The following TMEM108 variants were observed in gnomAD, a reference collection of about 807,000 sequenced individuals.
TMEM108 encodes cancer/testis antigen 124.
In TMEM108, 12 loss-of-function variants were observed where a neutral mutation model predicts 35.1. The observed-to-expected ratio is 0.34, with a 90% CI of 0.22 to 0.55. The LOEUF is 0.55. Ranked by LOEUF, TMEM108 falls within the 20% of genes least tolerant of loss-of-function variation. The pLI, the probability that TMEM108 is intolerant of heterozygous loss-of-function variation, is 0.89. For synonymous variants in TMEM108, 287 were observed against 308.6 expected (o/e 0.93, Z 0.73); for missense variants, 680 against 753.3 (o/e 0.90, Z 1.14).
chr3:133,074,866 A>G (rs1043128657), intron 2 of TMEM108, among the ~76,000 whole-genome samples: 1 of 152,190 alleles, frequency 6.6e-6, no homozygotes, highest in African/African-American at 2.4e-5. Context: ...TTTTCTACTG[A>G]ATGTGTATTA....
At chr3:133,273,489 A>G (rs1327601510) in intron 3 of TMEM108, among the ~76,000 whole-genome samples, 1 of 152,028 alleles carries the variant, frequency 6.6e-6, no homozygotes, top group Non-Finnish European at 1.5e-5. Context: ...TTCTCTCCCC[A>G]CAGTAAGTAC....
chr3:133,128,982 C>G (rs1454261144), intron 2 of TMEM108, among the ~76,000 whole-genome samples: 1 of 152,138 alleles, frequency 6.6e-6, no homozygotes, highest in South Asian at 2.1e-4. Context: ...TTTTTGCCTC[C>G]TTAATATAGC....
intron 2 of TMEM108, among the ~76,000 whole-genome samples, chr3:133,154,956 T>G (rs1322839719): frequency 6.6e-6 from 1 of 152,180 alleles, no homozygotes; most frequent in East Asian, 1.9e-4. Context: ...GGAGGTTCAG[T>G]ATAGACACTA....
At chr3:133,111,980 A>G (rs770260640) in intron 2 of TMEM108, among the ~76,000 whole-genome samples, 2 of 152,210 alleles carry the variant, frequency 1.3e-5, no homozygotes, top group Non-Finnish European at 2.9e-5. Context: ...TTGGAAAACA[A>G]GAACAAACCC....
intron 2 of TMEM108, among the ~76,000 whole-genome samples, chr3:133,048,511 A>T (rs1325821563): frequency 6.6e-6 from 1 of 152,196 alleles, no homozygotes; most frequent in Non-Finnish European, 1.5e-5. Context: ...CTAGACCTGA[A>T]GTGTAACCTG....
chr3:133,237,934 G>T (rs1293853430), intron 3 of TMEM108, among the ~76,000 whole-genome samples: 1 of 152,028 alleles, frequency 6.6e-6, no homozygotes, highest in African/African-American at 2.4e-5. Flanking sequence ...AAAGCTCTTT[G>T]GGGAGTCCTC....
Position 133,122,131 on chromosome 3 carries a change from C to T in TMEM108, c.-47+76111C>T, listed in dbSNP as rs559206845. Reference sequence around the variant, plus strand: ...ACGGTGCTTCTGGGGCTTATGATTTCTAATTTAGCAGCAGGAGTTACTTCT... The same window carrying T: ...ACGGTGCTTCTGGGGCTTATGATTTTTAATTTAGCAGCAGGAGTTACTTCT... On this transcript the variant is annotated intron_variant, in intron 2 of 5. Transcript: ENST00000321871. Among the ~76,000 whole-genome samples the T allele has an allele frequency of 7.9e-5, 12 of 151,950 alleles. No homozygotes were observed. In the South Asian group the frequency reaches 2.5e-3, roughly 32 times the overall value.
intron 3 of TMEM108, among the ~76,000 whole-genome samples, chr3:133,271,331 A>G (rs1946768535): frequency 6.6e-6 from 1 of 152,172 alleles, no homozygotes; most frequent in Non-Finnish European, 1.5e-5. Flanking sequence ...GTTGGAAACA[A>G]CCACAACACA....
chr3:133,334,186 T>C (rs570224351), intron 3 of TMEM108, among the ~76,000 whole-genome samples: 1 of 152,146 alleles, frequency 6.6e-6, no homozygotes, highest in Non-Finnish European at 1.5e-5. Context: ...TACTACCTGA[T>C]CCTCAATCTA....
At chr3:133,294,962 C>G (rs1947122362) in intron 3 of TMEM108, among the ~76,000 whole-genome samples, 1 of 152,162 alleles carries the variant, frequency 6.6e-6, no homozygotes, top group Admixed American at 6.5e-5. Context: ...GGGAGTGTTA[C>G]AGTGGAGAAA....
chr3:133,386,582 C>T, intron 4 of TMEM108: 1 of 1,466,476 alleles, frequency 6.8e-7, no homozygotes, highest in Non-Finnish European at 9.0e-7. Context: ...GAGCTTAATT[C>T]CCAACTCTGT....
intron 2 of TMEM108, among the ~76,000 whole-genome samples, chr3:133,165,113 G>C (rs1399777313): frequency 6.6e-6 from 1 of 152,164 alleles, no homozygotes; most frequent in Non-Finnish European, 1.5e-5. Flanking sequence ...TGAACACCCA[G>C]AAAGACTACA....
intron 2 of TMEM108, among the ~76,000 whole-genome samples, chr3:133,047,033 A>G (rs576164325): frequency 5.3e-5 from 8 of 152,290 alleles, no homozygotes; most frequent in South Asian, 2.1e-4. Context: ...AAAATAGACA[A>G]TTAGAGGATG....
At chr3:133,170,214 C>T (rs904897506) in intron 2 of TMEM108, among the ~76,000 whole-genome samples, 13 of 152,292 alleles carry the variant, frequency 8.5e-5, no homozygotes, top group African/African-American at 2.9e-4. Context: ...GCTCAGTTTA[C>T]ATAACTGTTA....
intron 2 of TMEM108, among the ~76,000 whole-genome samples, chr3:133,142,447 C>G (rs1324960974): frequency 6.6e-6 from 1 of 152,074 alleles, no homozygotes; most frequent in Non-Finnish European, 1.5e-5. Flanking sequence ...GGAACAAGAG[C>G]AAGTATGTTT....
At chr3:133,176,471 C>T (rs2107796721) in intron 2 of TMEM108, among the ~76,000 whole-genome samples, 1 of 152,196 alleles carries the variant, frequency 6.6e-6, no homozygotes, top group South Asian at 2.1e-4. Flanking sequence ...CATTGTCTCT[C>T]AGACCACAGT....
intron 2 of TMEM108, among the ~76,000 whole-genome samples, chr3:133,212,643 G>C (rs1447281262): frequency 2.6e-4 from 40 of 152,060 alleles, no homozygotes; most frequent in Non-Finnish European, 1.5e-5. Context: ...AAGGCAGGTG[G>C]ATCACCTGAG....
At chr3:133,308,842 C>T (rs1397737081) in intron 3 of TMEM108, among the ~76,000 whole-genome samples, 2 of 151,838 alleles carry the variant, frequency 1.3e-5, no homozygotes, top group African/African-American at 2.4e-5. Context: ...TGTGTCTTTG[C>T]CAGGCTTTGG....
At chr3:133,221,665 T>C in intron 2 of TMEM108, among the ~76,000 whole-genome samples, 1 of 142,642 alleles carries the variant, frequency 7.0e-6, no homozygotes, top group African/African-American at 2.8e-5. Context: ...GATTCCTTTT[T>C]TTTTTTTTTT....
Sources: gnomAD v4.1 joint callset for allele counts (sites outside exome capture counted in the v4.1 genomes callset) on GRCh38, gnomAD v4.1.1 for gene constraint, MANE v1.5 for transcripts, NCBI Gene and HGNC (gene_info 2026-07-23, HGNC 2026-07-21) for gene names.